Variants in SLC30A6 observed in about 807,000 individuals in gnomAD.
SLC30A6 encodes solute carrier family 30 member 6.
Under a neutral mutation model 63.0 loss-of-function variants are expected in SLC30A6, and 55 were observed. The observed-to-expected ratio is 0.87, with a 90% CI of 0.70 to 1.09. The LOEUF (loss-of-function observed/expected upper bound fraction) is 1.09. Among genes scored for constraint, SLC30A6 ranks in the 50% least tolerant of loss-of-function variants. SLC30A6 has a pLI of 0.00. For synonymous variants in SLC30A6, 224 were observed against 186.1 expected (o/e 1.20, Z -1.66); for missense variants, 587 against 549.2 (o/e 1.07, Z -0.69).
intron 10 of SLC30A6, among the ~76,000 whole-genome samples, chr2:32,199,550 C>CT (rs1167244373): frequency 6.6e-6 from 1 of 152,022 alleles, no homozygotes; most frequent in African/African-American, 2.4e-5. Context: ...TGTATTTTTT[C>CT]TTTGTGTTCT....
intron 5 of SLC30A6, among the ~76,000 whole-genome samples, chr2:32,189,323 G>A (rs1006810794): frequency 1.5e-5 from 2 of 133,980 alleles, no homozygotes; most frequent in Non-Finnish European, 3.1e-5. Context: ...GCAGCATCTC[G>A]CTTGGTCGCC....
rs191543843 is a variant in SLC30A6 at position 32,201,252 on chromosome 2, G to A, written c.666-3338G>A. ...AGCATGTGGGGAAAAGTAGAAAAGA[G>A]TGCACAATCAGCTTGTAATTATTGG... On this transcript the variant is annotated intron_variant, in intron 10 of 13. Coordinates refer to ENST00000282587, the MANE Select transcript of SLC30A6 (RefSeq NM_017964.5). Among the ~76,000 whole-genome samples the A allele has an allele frequency of 9.1e-4, 138 of 152,314 alleles. 2 individuals carry two copies. Among genetic ancestry groups the A allele is most frequent in the Non-Finnish European group, 1.6e-3 (111 of 68,028 alleles).
intron 1 of SLC30A6, among the ~76,000 whole-genome samples, chr2:32,168,269 T>G (rs1420731372): frequency 2.0e-5 from 3 of 151,956 alleles, no homozygotes; most frequent in African/African-American, 7.2e-5. Context: ...TGGCACTATA[T>G]CTTTATGCTT....
intron 1 of SLC30A6, among the ~76,000 whole-genome samples, chr2:32,166,305 A>G (rs79734087): frequency 0.027 from 1,039 of 38,516 alleles, 15 homozygotes; most frequent in African/African-American, 0.073. Context: ...ACGCCAGCGG[A>G]AAAAAAAAAA....
At chr2:32,186,284 G>A (rs1682806084) in intron 5 of SLC30A6, among the ~76,000 whole-genome samples, 2 of 152,214 alleles carry the variant, frequency 1.3e-5, no homozygotes, top group Admixed American at 6.5e-5. Flanking sequence ...GCCAGGCCCA[G>A]CCTGTGTCAC....
At chr2:32,214,256 A>C (rs1053939339) in intron 13 of SLC30A6, among the ~76,000 whole-genome samples, 1 of 152,068 alleles carries the variant, frequency 6.6e-6, no homozygotes, top group African/African-American at 2.4e-5. Flanking sequence ...TTTTTATGGG[A>C]TAATCTTTGT....
chr2:32,171,520 G>T, intron 2 of SLC30A6, 147 bp downstream of exon 2: 2 of 573,102 alleles, frequency 3.5e-6, no homozygotes, highest in Non-Finnish European at 6.0e-6. Flanking sequence ...TTTTTTTAGT[G>T]TAAAATTGCA....
At chr2:32,192,529 C>A in intron 6 of SLC30A6, 113 bp downstream of exon 6, 1 of 842,322 alleles carries the variant, frequency 1.2e-6, no homozygotes, top group South Asian at 1.7e-5. Context: ...ATGAGCAGGG[C>A]TGGAGTTTTG....
At chr2:32,186,076 C>G (rs1439992707) in intron 5 of SLC30A6, among the ~76,000 whole-genome samples, 1 of 151,724 alleles carries the variant, frequency 6.6e-6, no homozygotes, top group African/African-American at 2.4e-5. Flanking sequence ...GCTGTGTCAC[C>G]CAGGCTGAAG....
chr2:32,219,596 G>A (rs1685992872), intron 13 of SLC30A6, among the ~76,000 whole-genome samples: 1 of 151,544 alleles, frequency 6.6e-6, no homozygotes, highest in Non-Finnish European at 1.5e-5. Context: ...CACTATGCCT[G>A]GCTAATTTTT....
chr2:32,189,281 C>CTTTTTTTTTTTTT (rs61221362), intron 5 of SLC30A6, among the ~76,000 whole-genome samples: 2 of 114,872 alleles, frequency 1.7e-5, no homozygotes, highest in Non-Finnish European at 3.5e-5. Flanking sequence ...TTGATACTGT[C>CTTTTTTTTTTTTT]TTTTTTTTTT....
In SLC30A6 at chr2:32,204,581, TC is replaced by T. The variant is rs767646986; in HGVS notation, c.666-7del. 1.3e-6 allele frequency: 2 copies of T among 1,593,534 alleles called. No individual in the cohort carries two copies. Among genetic ancestry groups the T allele is most frequent in the South Asian group, 1.1e-5 (1 of 90,550 alleles). ...AAATTTAAAATTTAGAATTGTTTTT[TC>T]CTTTTAGTAATTATTTTGCCGTAGA... On this transcript the variant is annotated splice_polypyrimidine_tract_variant and splice_region_variant and intron_variant, in intron 10 of 13. Coordinates refer to ENST00000282587, the MANE Select transcript of SLC30A6 (RefSeq NM_017964.5).
chr2:32,176,082 G>C (rs932856118), intron 4 of SLC30A6, among the ~76,000 whole-genome samples: 1 of 152,104 alleles, frequency 6.6e-6, no homozygotes, highest in Admixed American at 6.6e-5. Flanking sequence ...TCATACCTCA[G>C]AGGGCTAATT....
In SLC30A6 at chr2:32,220,453, A is replaced by G. The variant is rs1686072045; in HGVS notation, c.1126A>G (p.Thr376Ala). 2 of 1,614,062 alleles carry G rather than the reference A, an allele frequency of 1.2e-6. No homozygotes were observed. The highest frequency in any genetic ancestry group is 2.2e-5 in the East Asian group (1 of 44,902). The change falls in exon 14 of 14, where the codon ACT becomes GCT. Residue 376 changes from threonine to alanine, a missense_variant. Thr to Ala is a moderately conservative substitution (Grantham distance 58, BLOSUM62 0). Transcript: ENST00000282587. ...TGATGATTTGAACCCAGTTACATCA[A>G]CTCCAGCTAAACCTAGTAGTCCACC... is the stretch of plus-strand genomic sequence containing the variant. ...GTDDLNPVTS[T>A]PAKPSSPPPE...
chr2:32,175,527 G>C (rs11895183), intron 4 of SLC30A6, among the ~76,000 whole-genome samples, 166 bp downstream of exon 4: 14,969 of 152,208 alleles, frequency 0.098, 797 homozygotes, highest in Middle Eastern at 0.21. Context: ...CATATTTTAT[G>C]ATTTCATTTA....
chr2:32,167,261 G>A (rs1001390996), intron 1 of SLC30A6, among the ~76,000 whole-genome samples: 1 of 152,072 alleles, frequency 6.6e-6, no homozygotes, highest in Admixed American at 6.5e-5. Context: ...TTTTAGTAGA[G>A]ACGGGGTTTC....
At chr2:32,180,806 C>T (rs1002804822) in intron 4 of SLC30A6, among the ~76,000 whole-genome samples, 6 of 152,146 alleles carry the variant, frequency 3.9e-5, no homozygotes, top group Non-Finnish European at 5.9e-5. Context: ...AACAAACTAA[C>T]GGTAATAAAA....
At chr2:32,168,316 T>G (rs1236859310) in intron 1 of SLC30A6, among the ~76,000 whole-genome samples, 2 of 151,546 alleles carry the variant, frequency 1.3e-5, no homozygotes, top group Non-Finnish European at 2.9e-5. Flanking sequence ...AAACAGTATT[T>G]AAGGTTTATT....
chr2:32,175,471 G>A (rs2148810587), intron 4 of SLC30A6, 110 bp downstream of exon 4: 1 of 877,850 alleles, frequency 1.1e-6, no homozygotes, highest in East Asian at 2.5e-5. Flanking sequence ...TATCTTACAA[G>A]AAAACAATAA....
Sources: allele counts gnomAD v4.1 joint callset (sites outside exome capture counted in the v4.1 genomes callset), GRCh38; gene constraint gnomAD v4.1.1; transcripts MANE v1.5; gene names NCBI Gene and HGNC (gene_info 2026-07-23, HGNC 2026-07-21).